Variants in KIF26B observed in about 807,000 individuals in gnomAD.
The protein encoded by KIF26B is kinesin family member 26B.
Under a neutral mutation model 151.2 loss-of-function variants are expected in KIF26B, and 63 were observed. The observed-to-expected ratio is 0.42, with a 90% CI of 0.34 to 0.51. KIF26B has a LOEUF of 0.51. Ranked by LOEUF, KIF26B falls within the 20% of genes least tolerant of loss-of-function variation. The probability of loss-of-function intolerance (pLI) is 0.07; values close to 1 mark genes in which losing one functional copy is unlikely to be tolerated. For missense variants in KIF26B, 2,813 were observed against 2,913.6 expected, an observed-to-expected ratio of 0.97 and a Z score of 0.79; for synonymous variants, 1,357 against 1,262.1, an observed-to-expected ratio of 1.08 and a Z score of -1.59.
At chr1:245,685,357 G>A (rs1012647815) in intron 11 of KIF26B, 48 bp from the exon 12 acceptor site, 9 of 1,480,178 alleles carry the variant, frequency 6.1e-6, no homozygotes, top group Non-Finnish European at 8.3e-6. Context: ...GGCTCCCGGG[G>A]AAACTGCCAC....
rs939111999 is a variant in KIF26B at position 245,705,266 on chromosome 1, T to C, written c.*2660T>C. 6.6e-6 allele frequency: 1 copy of C among 152,172 alleles called. No homozygotes were observed. Among genetic ancestry groups the C allele is most frequent in the African/African-American group, 2.4e-5 (1 of 41,430 alleles). The allele number at this position is 152,172 out of a possible 1,614,324, so 9.4% of individuals were successfully genotyped here. ...TTATGTTGATGTTGTCCATTCTCTCTCTCTTCTCTTTGCTTTTTTTTGACC... is the reference window on the plus strand; with the variant it reads ...TTATGTTGATGTTGTCCATTCTCTCCCTCTTCTCTTTGCTTTTTTTTGACC... On this transcript the variant is annotated 3_prime_UTR_variant, in exon 15 of 15. Coordinates refer to ENST00000407071, the MANE Select transcript of KIF26B (RefSeq NM_018012.4).
chr1:245,177,891 G>A (rs1468916895), intron 2 of KIF26B, among the ~76,000 whole-genome samples: 3 of 152,132 alleles, frequency 2.0e-5, no homozygotes, highest in East Asian at 1.9e-4. Context: ...CTCAGTCAGC[G>A]GGGATTAGGG....
At position 245,651,539 on chromosome 1, in the gene KIF26B, G is replaced by A. The variant is rs192388892; in HGVS notation, c.2258+5259G>A. ...TGGAAACCCAGTACTCAAGGTCTGG[G>A]AAGCTGGGGAAAGGGGCTCAAGATT... On this transcript the variant is annotated intron_variant, in intron 10 of 14. Transcript: ENST00000407071. Among the ~76,000 whole-genome samples the A allele has an allele frequency of 1.9e-3, 286 of 152,264 alleles. 1 individual carries two copies. Among genetic ancestry groups the A allele is most frequent in the African/African-American group, 6.0e-3 (249 of 41,546 alleles).
At chr1:245,649,419 C>T (rs758713646) in intron 10 of KIF26B, among the ~76,000 whole-genome samples, 6 of 152,178 alleles carry the variant, frequency 3.9e-5, no homozygotes, top group East Asian at 1.9e-4. Flanking sequence ...GCCTTCACTG[C>T]GCACGGCAGG....
At chr1:245,677,622 C>G (rs755041482) in intron 10 of KIF26B, among the ~76,000 whole-genome samples, 7 of 152,342 alleles carry the variant, frequency 4.6e-5, no homozygotes, top group African/African-American at 1.7e-4. Context: ...CATTAGCATC[C>G]TTGAAGGGAA....
intron 10 of KIF26B, among the ~76,000 whole-genome samples, chr1:245,681,929 T>C (rs1359335515): frequency 6.6e-6 from 1 of 152,210 alleles, no homozygotes; most frequent in African/African-American, 2.4e-5. Context: ...ACCTAAACCA[T>C]ACGTTAGGTT....
rs201847811 is a variant in KIF26B, at chr1:245,691,676, A to G, written c.5824+2869A>G. On this transcript the variant is annotated intron_variant, in intron 12 of 14. Coordinates refer to ENST00000407071, the MANE Select transcript of KIF26B (RefSeq NM_018012.4). ...AGAGGTGTTTGGAACCAGAGAGGAG[A>G]CATCTTTTGTCTGAGATGGCTTTTG... 9.2e-5 allele frequency among the ~76,000 whole-genome samples: 14 copies of G among 152,364 alleles called. No individual in the cohort carries two copies. The East Asian group carries it at 2.7e-3, about 29-fold the overall frequency.
In KIF26B at chr1:245,227,310, G is replaced by GT. The variant is rs1669896449; in HGVS notation, c.465+70629dup. 3.9e-5 allele frequency among the ~76,000 whole-genome samples: 6 copies of GT among 152,192 alleles called. 1 individual carries two copies. The South Asian group carries it at 1.2e-3, about 32-fold the overall frequency. Reference sequence around the variant, plus strand: ...AGCCAGAGGATTTCAAGTCTATAATGTTGCTAAAATTAGCAGTGTAACAAA... The same window carrying GT: ...AGCCAGAGGATTTCAAGTCTATAATGTTTGCTAAAATTAGCAGTGTAACAAA... On this transcript the variant is annotated intron_variant, in intron 2 of 14. Coordinates refer to ENST00000407071, the MANE Select transcript of KIF26B (RefSeq NM_018012.4). The surrounding 1 kb of genome is among the most constrained non-coding windows in gnomAD (Gnocchi z 4.1).
chr1:245,533,324 C>T (rs954969678), intron 4 of KIF26B, among the ~76,000 whole-genome samples: 1 of 152,134 alleles, frequency 6.6e-6, no homozygotes, highest in African/African-American at 2.4e-5. Context: ...TTCTGTTCAG[C>T]AGGTGCAGTG....
At chr1:245,578,338 A>G (rs2043145327) in intron 5 of KIF26B, among the ~76,000 whole-genome samples, 1 of 152,254 alleles carries the variant, frequency 6.6e-6, no homozygotes, top group African/African-American at 2.4e-5. Context: ...AGCCAGGTAG[A>G]CATCAGCTTG....
At chr1:245,666,238 G>T (rs2044212994) in intron 10 of KIF26B, among the ~76,000 whole-genome samples, 1 of 152,072 alleles carries the variant, frequency 6.6e-6, no homozygotes, top group East Asian at 1.9e-4. Flanking sequence ...CTGACATTAT[G>T]TCTTAAAGTG....
At chr1:245,569,295 A>G (rs1173855947) in intron 5 of KIF26B, among the ~76,000 whole-genome samples, 1 of 152,144 alleles carries the variant, frequency 6.6e-6, no homozygotes, top group African/African-American at 2.4e-5. Context: ...ACAGAACTGG[A>G]GGATTCAGCT....
intron 4 of KIF26B, among the ~76,000 whole-genome samples, chr1:245,531,190 G>A (rs1230594702): frequency 6.6e-6 from 1 of 152,080 alleles, no homozygotes; most frequent in East Asian, 1.9e-4. Context: ...TTTGATTTGA[G>A]TTACATACAA....
At chr1:245,351,991 CT>C (rs1247900260) in intron 2 of KIF26B, among the ~76,000 whole-genome samples, 2 of 152,120 alleles carry the variant, frequency 1.3e-5, no homozygotes, top group East Asian at 3.9e-4. Flanking sequence ...AAAAACCTAC[CT>C]GTCTGCATTT....
chr1:245,266,012 A>G (rs192706944), intron 2 of KIF26B, among the ~76,000 whole-genome samples: 1 of 152,312 alleles, frequency 6.6e-6, no homozygotes, highest in Admixed American at 6.5e-5. Flanking sequence ...AAAAGACACC[A>G]TAAAGTAAAA....
intron 2 of KIF26B, among the ~76,000 whole-genome samples, chr1:245,242,415 C>A (rs4658729): frequency 6.6e-6 from 1 of 152,018 alleles, no homozygotes; most frequent in Non-Finnish European, 1.5e-5. Context: ...TAATGTCTAC[C>A]CTTGTGTTAA....
At chr1:245,570,021 C>T (rs1056956644) in intron 5 of KIF26B, among the ~76,000 whole-genome samples, 11 of 146,786 alleles carry the variant, frequency 7.5e-5, no homozygotes, top group Admixed American at 2.7e-4. Context: ...CTGCAAGCTC[C>T]GCCTCCTGGG....
chr1:245,681,137 G>A (rs1327578022), intron 10 of KIF26B, among the ~76,000 whole-genome samples: 2 of 152,118 alleles, frequency 1.3e-5, no homozygotes, highest in African/African-American at 4.8e-5. Flanking sequence ...GAAAAAGGAA[G>A]AGGAAGCGCA....
rs2103022387 is a variant in KIF26B, at chr1:245,391,028, C to T, written c.999+23661C>T. On this transcript the variant is annotated intron_variant, in intron 3 of 14. Transcript: ENST00000407071. ...GATTCTACTACCATGGGCTTGAAAG[C>T]TTTCCAATACTAAAATATTTTTCTG... Among the ~76,000 whole-genome samples, 2 of 149,254 alleles carry T rather than the reference C, an allele frequency of 1.3e-5. 1 individual carries two copies. Among genetic ancestry groups the T allele is most frequent in the Middle Eastern group, 7.2e-3 (2 of 278 alleles).
Sources: gnomAD v4.1 joint callset for allele counts (sites outside exome capture counted in the v4.1 genomes callset) on GRCh38, gnomAD v4.1.1 for gene constraint, Gnocchi (gnomAD v3.1) non-coding constraint, MANE v1.5 for transcripts, NCBI Gene and HGNC (gene_info 2026-07-23, HGNC 2026-07-21) for gene names.